PALLD: variants seen among roughly 807,000 people sequenced by gnomAD.
PALLD encodes palladin, cytoskeletal associated protein, also known as palladin.
PALLD carries 61 observed loss-of-function variants against 123.5 expected under a neutral mutation model. The ratio of observed to expected loss-of-function variants is 0.49; its 90% confidence interval spans 0.40 to 0.61. The LOEUF is 0.61. PALLD is among the 20% of genes least tolerant of loss of function. The pLI, the probability that PALLD is intolerant of heterozygous loss-of-function variation, is 0.00. For missense variants in PALLD, 1,273 were observed against 1,377.0 expected, an observed-to-expected ratio of 0.92 and a Z score of 1.20; for synonymous variants, 465 against 496.4, an observed-to-expected ratio of 0.94 and a Z score of 0.84.
At chr4:168,553,976 T>C (rs1006370695) in intron 2 of PALLD, among the ~76,000 whole-genome samples, 6 of 152,206 alleles carry the variant, frequency 3.9e-5, no homozygotes, top group African/African-American at 9.6e-5. Context: ...TTTTAAAAAC[T>C]GTTCATTTAC....
chr4:168,555,290 C>G (rs1767164581), intron 2 of PALLD, among the ~76,000 whole-genome samples: 1 of 152,142 alleles, frequency 6.6e-6, no homozygotes. Flanking sequence ...AGAATAGAAC[C>G]ACAGAAACCA....
chr4:168,902,769 T>C (rs767440039), intron 14 of PALLD, among the ~76,000 whole-genome samples: 4 of 152,212 alleles, frequency 2.6e-5, no homozygotes, highest in Non-Finnish European at 5.9e-5. Flanking sequence ...CAAAATTTAC[T>C]TTTATTTTTT....
chr4:168,614,162 CCT>C (rs1316137395), intron 2 of PALLD, among the ~76,000 whole-genome samples: 1 of 152,176 alleles, frequency 6.6e-6, no homozygotes, highest in Non-Finnish European at 1.5e-5. Flanking sequence ...ATTCCTGCCT[CCT>C]GTCTTTTTTC....
chr4:168,807,987 T>C (rs1203170249), intron 10 of PALLD, among the ~76,000 whole-genome samples: 1 of 142,964 alleles, frequency 7.0e-6, no homozygotes, highest in Non-Finnish European at 1.6e-5. Flanking sequence ...ATTACAGGTG[T>C]GAGCCACTGT....
chr4:168,591,015 G>C (rs1212098614), intron 2 of PALLD, among the ~76,000 whole-genome samples: 1 of 151,770 alleles, frequency 6.6e-6, no homozygotes, highest in Non-Finnish European at 1.5e-5. Context: ...GAGTAGCTGG[G>C]ATTACGGGCC....
chr4:168,865,482 C>T (rs777140746), intron 10 of PALLD, among the ~76,000 whole-genome samples: 12 of 152,218 alleles, frequency 7.9e-5, no homozygotes, highest in Admixed American at 6.5e-5. Flanking sequence ...AAATAAATTG[C>T]TCTGAGTATC....
intron 2 of PALLD, among the ~76,000 whole-genome samples, chr4:168,608,754 C>T (rs1218244712): frequency 2.6e-5 from 4 of 151,676 alleles, no homozygotes; most frequent in Non-Finnish European, 5.9e-5. Flanking sequence ...ATCACTCTGG[C>T]ATTTTTTAGT....
intron 2 of PALLD, chr4:168,631,884 C>A (rs1775851691): frequency 1.0e-6 from 1 of 985,318 alleles, no homozygotes; most frequent in African/African-American, 1.7e-5. Context: ...GGGCAGACGG[C>A]GTTTTGCGCC....
chr4:168,670,764 AC>A (rs1460384804), intron 3 of PALLD, among the ~76,000 whole-genome samples: 29 of 105,046 alleles, frequency 2.8e-4, no homozygotes, highest in African/African-American at 4.2e-4. Context: ...AACAAAAAAA[AC>A]AAAAAAAAAC....
At position 168,878,209 on chromosome 4, in the gene PALLD, C is replaced by T. The variant is rs1334890684; in HGVS notation, c.1965-12713C>T. The T allele has an allele frequency of 6.6e-7, 1 of 1,518,388 alleles. No homozygotes were observed. Among genetic ancestry groups the T allele is most frequent in the Non-Finnish European group, 8.8e-7 (1 of 1,140,668 alleles). 94.1% of individuals were successfully genotyped at this position (1,518,388 alleles called of 1,614,324 possible). On this transcript the variant is annotated intron_variant, in intron 10 of 21. Coordinates refer to ENST00000505667, the MANE Select transcript of PALLD (RefSeq NM_001166108.2). ...CCACGGCTGCCTTCCCGGTGCCCGACGTGTTCCCACTGCCGCCGCCACCAC... is the reference window on the plus strand; with the variant it reads ...CCACGGCTGCCTTCCCGGTGCCCGATGTGTTCCCACTGCCGCCGCCACCAC...
At chr4:168,924,161 G>A (rs1448639179) in intron 18 of PALLD, 94 bp from the exon 19 acceptor site, 6 of 1,084,984 alleles carry the variant, frequency 5.5e-6, no homozygotes, top group Non-Finnish European at 8.4e-6. Flanking sequence ...TATCATAAAA[G>A]ATCTATTCAA....
intron 10 of PALLD, among the ~76,000 whole-genome samples, chr4:168,807,126 G>C (rs1399143938): frequency 6.6e-6 from 1 of 152,114 alleles, no homozygotes; most frequent in African/African-American, 2.4e-5. Context: ...AAGGGGAAAA[G>C]ATTAGAGGAG....
Position 168,927,707 on chromosome 4 carries a change from C to T in PALLD, c.*1527C>T, listed in dbSNP as rs1024603575. 23 of 224,006 alleles carry T rather than the reference C, an allele frequency of 1.0e-4. No individual in the cohort carries two copies. The highest frequency in any genetic ancestry group is 4.0e-4 in the African/African-American group (18 of 44,788). 13.9% of individuals were successfully genotyped at this position (224,006 alleles called of 1,614,324 possible). ...GATTCCAAGGTTTGTAAAGGCATCT[C>T]GGTAAAGACTGCTTTTTGAATGCAT... On this transcript the variant is annotated 3_prime_UTR_variant, in exon 22 of 22. Transcript: ENST00000505667.
At chr4:168,689,885 G>A (rs1782457830) in intron 6 of PALLD, among the ~76,000 whole-genome samples, 1 of 152,212 alleles carries the variant, frequency 6.6e-6, no homozygotes, top group African/African-American at 2.4e-5. Flanking sequence ...TTAAGAACAA[G>A]TATAAAAGCT....
intron 8 of PALLD, among the ~76,000 whole-genome samples, chr4:168,691,519 A>C (rs1363191538): frequency 1.3e-5 from 2 of 152,216 alleles, no homozygotes; most frequent in African/African-American, 4.8e-5. Flanking sequence ...AGTTCCATTC[A>C]GACAAGAAGG....
At chr4:168,526,976 C>T (rs1764109317) in intron 2 of PALLD, among the ~76,000 whole-genome samples, 1 of 152,196 alleles carries the variant, frequency 6.6e-6, no homozygotes. Flanking sequence ...GACCATTAAA[C>T]ATCCATATCC....
chr4:168,655,119 A>G (rs778853619), intron 2 of PALLD, among the ~76,000 whole-genome samples: 1 of 152,148 alleles, frequency 6.6e-6, no homozygotes, highest in Non-Finnish European at 1.5e-5. Context: ...TTCTACCTCT[A>G]ATGTTTCATT....
chr4:168,808,412 A>C (rs764636464), intron 10 of PALLD, among the ~76,000 whole-genome samples: 2 of 152,066 alleles, frequency 1.3e-5, no homozygotes, highest in Non-Finnish European at 2.9e-5. Flanking sequence ...CCCGGGAGGC[A>C]GAGGTTGCAG....
chr4:168,803,636 C>T (rs895731807), intron 10 of PALLD, among the ~76,000 whole-genome samples: 13 of 147,482 alleles, frequency 8.8e-5, no homozygotes, highest in Non-Finnish European at 1.8e-4. Flanking sequence ...CAGTGAGCTA[C>T]GATGGCGTAC....
Sources: allele counts gnomAD v4.1 joint callset (sites outside exome capture counted in the v4.1 genomes callset), GRCh38; gene constraint gnomAD v4.1.1; transcripts MANE v1.5; gene names NCBI Gene and HGNC (gene_info 2026-07-23, HGNC 2026-07-21).